Variants in APOBEC3F observed in about 807,000 individuals in gnomAD.
APOBEC3F encodes the protein apolipoprotein B mRNA editing enzyme catalytic subunit 3F, also known as DNA dC->dU-editing enzyme APOBEC-3F.
Under a neutral mutation model 45.8 loss-of-function variants are expected in APOBEC3F, and 34 were observed. The observed-to-expected ratio is 0.74, with a 90% CI of 0.57 to 0.99. The LOEUF (loss-of-function observed/expected upper bound fraction) is 0.99, where lower values mean the gene tolerates loss of function less well. Ranked by LOEUF, APOBEC3F falls within the 50% of genes least tolerant of loss-of-function variation. The pLI, the probability that APOBEC3F is intolerant of heterozygous loss-of-function variation, is 0.00. For synonymous variants in APOBEC3F, 192 were observed against 174.4 expected (o/e 1.10, Z -0.80); for missense variants, 459 against 474.1 (o/e 0.97, Z 0.30).
intron 2 of APOBEC3F, chr22:39,043,938 C>G: frequency 8.5e-7 from 1 of 1,179,912 alleles, no homozygotes; most frequent in Non-Finnish European, 1.1e-6. Context: ...GGCAGGAGAA[C>G]CGCTTGAACC....
intron 2 of APOBEC3F, among the ~76,000 whole-genome samples, chr22:39,043,322 CAG>C (rs1927022700): frequency 7.5e-6 from 1 of 132,610 alleles, no homozygotes; most frequent in African/African-American, 2.9e-5. Flanking sequence ...TTTTTTGAGA[CAG>C]AGTTTCACTC....
In APOBEC3F at chr22:39,054,645, G is replaced by A. The variant is rs1235752043; in HGVS notation, c.*1950G>A. On this transcript the variant is annotated 3_prime_UTR_variant, in exon 7 of 7. Coordinates refer to ENST00000308521, the MANE Select transcript of APOBEC3F (RefSeq NM_145298.6). ...CCCATTTCTCCTTTTAATAGGACCT[G>A]TTGCTGTCTCTGTTCTCCCAACATG... Among the ~76,000 whole-genome samples the A allele has an allele frequency of 1.3e-5, 2 of 152,196 alleles. No individual in the cohort carries two copies. Among genetic ancestry groups the A allele is most frequent in the Admixed American group, 6.5e-5 (1 of 15,280 alleles).
At chr22:39,052,515 G>A (rs1217778300) in intron 6 of APOBEC3F, 62 bp from the exon 7 acceptor site, 6 of 1,569,588 alleles carry the variant, frequency 3.8e-6, no homozygotes, top group Non-Finnish European at 5.2e-6. Flanking sequence ...TTGGAGGGGA[G>A]GGCCCAGGGC....
At chr22:39,045,816 G>A (rs1601496981) in intron 4 of APOBEC3F, among the ~76,000 whole-genome samples, 3 of 151,984 alleles carry the variant, frequency 2.0e-5, no homozygotes, top group Admixed American at 2.0e-4. Flanking sequence ...CCCCAACCTG[G>A]CTCCTTCCAT....
At position 39,052,147 on chromosome 22, in the gene APOBEC3F, A is replaced by C; in HGVS notation, c.797A>C (p.Asn266Thr). ...SWFCDDILSP[N>T]TNYEVTWYTS... is the part of the protein sequence containing the mutation. Reference sequence around the variant, plus strand: ...TTCTGTGACGACATACTGTCTCCTAACACAAACTACGAGGTCACCTGGTAC... The same window carrying C: ...TTCTGTGACGACATACTGTCTCCTACCACAAACTACGAGGTCACCTGGTAC... The change falls in exon 6 of 7, where the codon AAC becomes ACC. Residue 266 changes from asparagine (N) to threonine (T), a missense_variant. Physicochemically the swap from Asn to Thr is moderately conservative, Grantham distance 65. Coordinates refer to ENST00000308521, the MANE Select transcript of APOBEC3F (RefSeq NM_145298.6). The C allele has an allele frequency of 6.2e-7, 1 of 1,613,938 alleles. No homozygotes were observed. Among genetic ancestry groups the C allele is most frequent in the South Asian group, 1.1e-5 (1 of 91,070 alleles).
chr22:39,055,920 A>G lies in APOBEC3F; in HGVS notation c.*3225A>G, dbSNP rs1927673479. ...ACTTCTTCAGGGAGCTCCAATCTTC[A>G]GATGCAAGTCTGTCAACGCTCCCAG... On this transcript the variant is annotated 3_prime_UTR_variant, in exon 7 of 7. Coordinates refer to ENST00000308521, the MANE Select transcript of APOBEC3F (RefSeq NM_145298.6). Among the ~76,000 whole-genome samples, 1 of 152,174 alleles carries G rather than the reference A, an allele frequency of 6.6e-6. No homozygotes were observed. Among genetic ancestry groups the G allele is most frequent in the Non-Finnish European group, 1.5e-5 (1 of 68,048 alleles).
chr22:39,054,332 A>G lies in APOBEC3F; in HGVS notation c.*1637A>G, dbSNP rs746259809. Among the ~76,000 whole-genome samples the G allele has an allele frequency of 2.0e-5, 3 of 152,128 alleles. No homozygotes were observed. The highest frequency in any genetic ancestry group is 6.5e-5 in the Admixed American group (1 of 15,278). On this transcript the variant is annotated 3_prime_UTR_variant, in exon 7 of 7. Coordinates refer to ENST00000308521, the MANE Select transcript of APOBEC3F (RefSeq NM_145298.6). ...CTGCAGCCTCTGCCGCCTGAGTTCA[A>G]GCTATTTTCCTACCTAAGCCTCCCA...
At chr22:39,047,819 A>G (rs1441074785) in intron 4 of APOBEC3F, among the ~76,000 whole-genome samples, 1 of 150,266 alleles carries the variant, frequency 6.7e-6, no homozygotes, top group Non-Finnish European at 1.5e-5. Flanking sequence ...GCTTCTCGCC[A>G]TTCCTGAGCT....
At chr22:39,050,597 T>C (rs1927439202) in intron 5 of APOBEC3F, among the ~76,000 whole-genome samples, 1 of 151,304 alleles carries the variant, frequency 6.6e-6, no homozygotes, top group Non-Finnish European at 1.5e-5. Context: ...CTCAATTATC[T>C]CACATAGGAT....
In APOBEC3F at chr22:39,040,921, G is replaced by A. The variant is rs756220246; in HGVS notation, c.-40G>A. 3 of 1,560,868 alleles carry A rather than the reference G, an allele frequency of 1.9e-6. No homozygotes were observed. The highest frequency in any genetic ancestry group is 3.3e-4 in the Middle Eastern group (2 of 5,982). On this transcript the variant is annotated 5_prime_UTR_variant, in exon 1 of 7. Coordinates refer to ENST00000308521, the MANE Select transcript of APOBEC3F (RefSeq NM_145298.6). Reference sequence around the variant, plus strand: ...CTGGAGCAGAAAGTGAAACCCTGGTGCTCCAGACAAAGATCTTAGTCGGGA... The same window carrying A: ...CTGGAGCAGAAAGTGAAACCCTGGTACTCCAGACAAAGATCTTAGTCGGGA...
chr22:39,051,936 C>T (rs1461917476), intron 5 of APOBEC3F, 138 bp from the exon 6 acceptor site: 1 of 1,328,822 alleles, frequency 7.5e-7, no homozygotes, highest in African/African-American at 1.5e-5. Context: ...GCCTGGGCAA[C>T]AGGAGAGACC....
intron 2 of APOBEC3F, among the ~76,000 whole-genome samples, chr22:39,043,467 A>ATTTTTT (rs542976503): frequency 1.4e-5 from 2 of 139,014 alleles, no homozygotes. Context: ...CGCCCAGCTA[A>ATTTTTT]TTTTTTTTTT....
At chr22:39,048,123 A>T in intron 4 of APOBEC3F, among the ~76,000 whole-genome samples, 1 of 152,194 alleles carries the variant, frequency 6.6e-6, no homozygotes, top group East Asian at 1.9e-4. Context: ...TATGATGATC[A>T]GGAGAAATGC....
chr22:39,046,297 G>A (rs1927216157), intron 4 of APOBEC3F, among the ~76,000 whole-genome samples: 1 of 152,218 alleles, frequency 6.6e-6, no homozygotes, highest in African/African-American at 2.4e-5. Flanking sequence ...CAGTTATCCT[G>A]TGAGGAGGTG....
chr22:39,042,362 A>AGT lies in APOBEC3F; in HGVS notation c.18-573_18-572dup, dbSNP rs1926955374. Reference sequence around the variant, plus strand: ...GTTTCGCTCTTGTAGCCCAGGCTGGAGTGCAGTGGCACGATCTCGGCTCAC... The same window carrying AGT: ...GTTTCGCTCTTGTAGCCCAGGCTGGAGTGTGCAGTGGCACGATCTCGGCTCAC... On this transcript the variant is annotated intron_variant, in intron 1 of 6. Coordinates refer to ENST00000308521, the MANE Select transcript of APOBEC3F (RefSeq NM_145298.6). Among the ~76,000 whole-genome samples, 3 of 139,080 alleles carry AGT rather than the reference A, an allele frequency of 2.2e-5. No homozygotes were observed. In the Admixed American group the frequency reaches 2.3e-4, roughly 11 times the overall value. 91.2% of individuals were successfully genotyped at this position (139,080 alleles called of 152,430 possible). A position where few individuals can be genotyped will look rare whatever the true frequency, so the allele number is the denominator to read the frequency against.
intron 3 of APOBEC3F, 25 bp downstream of exon 3, chr22:39,045,245 G>C (rs745689770): frequency 6.2e-7 from 1 of 1,610,676 alleles, no homozygotes; most frequent in Admixed American, 1.7e-5. Flanking sequence ...GGTCAGGGGA[G>C]CGTGAGCGGG....
chr22:39,049,525 G>A lies in APOBEC3F; in HGVS notation c.667G>A (p.Glu223Lys). 1 of 1,614,076 alleles carries A rather than the reference G, an allele frequency of 6.2e-7. No individual in the cohort carries two copies. The highest frequency in any genetic ancestry group is 8.5e-7 in the Non-Finnish European group (1 of 1,180,010). ...RNESWLCFTM[E>K]VVKHHSPVSW... Reference sequence around the variant, plus strand: ...CGAAAGCTGGCTGTGCTTCACCATGGAAGTTGTAAAGCACCACTCACCTGT... The same window carrying A: ...CGAAAGCTGGCTGTGCTTCACCATGAAAGTTGTAAAGCACCACTCACCTGT... The change falls in exon 5 of 7, where the codon GAA becomes AAA. Residue 223 changes from glutamate to lysine, a missense_variant. By Grantham distance (56) the Glu-to-Lys change is moderately conservative. Coordinates refer to ENST00000308521, the MANE Select transcript of APOBEC3F (RefSeq NM_145298.6).
chr22:39,052,832 G>A lies in APOBEC3F; in HGVS notation c.*137G>A. On this transcript the variant is annotated 3_prime_UTR_variant, in exon 7 of 7. Coordinates refer to ENST00000308521, the MANE Select transcript of APOBEC3F (RefSeq NM_145298.6). ...CCTGGCCTCAGGGCCATTCCATAGT[G>A]CTCCCCTGCCTCACCACCTCCTCTC... 2 of 1,481,146 alleles carry A rather than the reference G, an allele frequency of 1.4e-6. No homozygotes were observed. The highest frequency in any genetic ancestry group is 1.8e-6 in the Non-Finnish European group (2 of 1,123,914). 91.8% of individuals were successfully genotyped at this position (1,481,146 alleles called of 1,614,324 possible).
At chr22:39,041,331 G>A (rs1172986208) in intron 1 of APOBEC3F, among the ~76,000 whole-genome samples, 1 of 152,188 alleles carries the variant, frequency 6.6e-6, no homozygotes, top group African/African-American at 2.4e-5. Context: ...TGAACCAAAG[G>A]ATGATTAGAG....
Sources: allele counts gnomAD v4.1 joint callset (sites outside exome capture counted in the v4.1 genomes callset), GRCh38; gene constraint gnomAD v4.1.1; transcripts MANE v1.5; gene names NCBI Gene and HGNC (gene_info 2026-07-23, HGNC 2026-07-21).